The following PDE11A variants were observed in gnomAD, a reference collection of about 807,000 sequenced individuals.
The protein encoded by PDE11A is dual 3',5'-cyclic-AMP and -GMP phosphodiesterase 11A.
PDE11A carries 100 observed loss-of-function variants against 100.5 expected under a neutral mutation model. That is an observed-to-expected ratio of 1.00 (90% CI 0.85 to 1.18). The LOEUF is 1.18. Ranked by LOEUF, PDE11A falls within the 50% of genes most tolerant of loss-of-function variation. PDE11A has a pLI of 0.00. For synonymous variants in PDE11A, 381 were observed against 420.8 expected, an observed-to-expected ratio of 0.91 and a Z score of 1.16; for missense variants, 1,141 against 1,152.6, an observed-to-expected ratio of 0.99 and a Z score of 0.15.
chr2:177,901,867 G>T (rs2084702843), intron 3 of PDE11A, among the ~76,000 whole-genome samples: 1 of 152,180 alleles, frequency 6.6e-6, no homozygotes, highest in Non-Finnish European at 1.5e-5. Context: ...GAGCCTCTGG[G>T]ATCCATATAC....
intron 13 of PDE11A, among the ~76,000 whole-genome samples, chr2:177,701,428 G>T (rs1312360082): frequency 6.6e-6 from 1 of 152,050 alleles, no homozygotes; most frequent in African/African-American, 2.4e-5. Context: ...TATGTATTAG[G>T]CTAGATGCTG....
chr2:177,877,341 T>A, intron 4 of PDE11A, among the ~76,000 whole-genome samples: 1 of 123,288 alleles, frequency 8.1e-6, no homozygotes, highest in South Asian at 2.5e-4. Context: ...ATTTTTGCAT[T>A]TTTAGTAGAG....
At chr2:177,659,750 T>C (rs1193590111) in intron 19 of PDE11A, among the ~76,000 whole-genome samples, 5 of 152,114 alleles carry the variant, frequency 3.3e-5, no homozygotes, top group African/African-American at 1.2e-4. Context: ...TTTCAAAGTT[T>C]GATTGTGTCT....
intron 10 of PDE11A, among the ~76,000 whole-genome samples, chr2:177,738,448 A>G (rs1559167495): frequency 6.6e-6 from 1 of 152,214 alleles, no homozygotes; most frequent in Non-Finnish European, 1.5e-5. Flanking sequence ...TGTTGACTAC[A>G]TTACACATTA....
chr2:177,647,751 T>TA (rs1446564114), intron 19 of PDE11A, among the ~76,000 whole-genome samples: 1 of 152,146 alleles, frequency 6.6e-6, no homozygotes, highest in Non-Finnish European at 1.5e-5. Flanking sequence ...CCTTGGGGGA[T>TA]AAAAATCCTT....
intron 9 of PDE11A, among the ~76,000 whole-genome samples, chr2:177,809,112 G>C (rs893422740): frequency 2.0e-5 from 3 of 152,116 alleles, no homozygotes; most frequent in Admixed American, 6.6e-5. Flanking sequence ...TGAAGAGAGG[G>C]GAGTGGGGAG....
chr2:178,071,100 C>T (rs1030658389), intron 1 of PDE11A, among the ~76,000 whole-genome samples: 5 of 152,094 alleles, frequency 3.3e-5, no homozygotes, highest in African/African-American at 1.2e-4. Context: ...ATTATGGTCC[C>T]CAAAAGACAC....
chr2:177,707,392 CT>C (rs2081295780), intron 13 of PDE11A, among the ~76,000 whole-genome samples: 1 of 152,186 alleles, frequency 6.6e-6, no homozygotes, highest in Non-Finnish European at 1.5e-5. Context: ...ATACCAGGAA[CT>C]CTGAAGTAGC....
intron 19 of PDE11A, among the ~76,000 whole-genome samples, chr2:177,659,437 T>G (rs1438587323): frequency 1.3e-5 from 2 of 152,194 alleles, no homozygotes; most frequent in Non-Finnish European, 2.9e-5. Flanking sequence ...TTATTCTGGC[T>G]AGATGCTGGC....
chr2:177,988,873 C>G (rs145832564), intron 2 of PDE11A, among the ~76,000 whole-genome samples: 3 of 152,182 alleles, frequency 2.0e-5, no homozygotes, highest in African/African-American at 7.2e-5. Flanking sequence ...CCTCTGAAAC[C>G]TTTGTGAGGT....
intron 2 of PDE11A, among the ~76,000 whole-genome samples, chr2:177,934,496 C>T (rs1373614990): frequency 2.0e-5 from 3 of 152,106 alleles, no homozygotes; most frequent in Non-Finnish European, 2.9e-5. Flanking sequence ...CAGATATTGG[C>T]CAGGCTGTGG....
rs888122978 is a variant in PDE11A, at chr2:177,709,450, G to T, written c.2153+2319C>A. 3.3e-5 allele frequency among the ~76,000 whole-genome samples: 5 copies of T among 152,298 alleles called. 1 individual carries two copies. The Middle Eastern group carries it at 0.01, about 311-fold the overall frequency. ...ATTTTTGGTGGGGCCATTCCTTGGG[G>T]TAGAGAATACAAGAAAGAGGCATGG... On this transcript the variant is annotated intron_variant, in intron 13 of 19. Coordinates refer to ENST00000286063, the MANE Select transcript of PDE11A (RefSeq NM_016953.4).
At chr2:177,839,583 A>G (rs989247466) in intron 6 of PDE11A, among the ~76,000 whole-genome samples, 7 of 151,468 alleles carry the variant, frequency 4.6e-5, no homozygotes, top group Non-Finnish European at 8.8e-5. Flanking sequence ...CACTTCCCCA[A>G]CTCCCCATGC....
chr2:177,713,618 G>T (rs545655180), intron 12 of PDE11A, among the ~76,000 whole-genome samples: 1 of 151,994 alleles, frequency 6.6e-6, no homozygotes, highest in African/African-American at 2.4e-5. Context: ...CCAGCTATTC[G>T]TGAGGCTGAG....
chr2:177,961,139 C>T (rs780564509), intron 2 of PDE11A, among the ~76,000 whole-genome samples: 1 of 152,184 alleles, frequency 6.6e-6, no homozygotes, highest in South Asian at 2.1e-4. Context: ...ATTCAATGTC[C>T]TGTGTAATTT....
chr2:178,013,361 G>A (rs1472598441), intron 2 of PDE11A, among the ~76,000 whole-genome samples: 3 of 152,106 alleles, frequency 2.0e-5, no homozygotes, highest in African/African-American at 7.2e-5. Flanking sequence ...AACCTTTAAG[G>A]AGAGTTGGGC....
intron 10 of PDE11A, among the ~76,000 whole-genome samples, chr2:177,765,328 T>C (rs890411049): frequency 2.0e-5 from 3 of 152,248 alleles, no homozygotes; most frequent in African/African-American, 7.2e-5. Flanking sequence ...GTTTATCTTA[T>C]GTGAAATCAA....
intron 15 of PDE11A, among the ~76,000 whole-genome samples, chr2:177,686,127 C>T (rs1437143788): frequency 6.6e-6 from 1 of 152,156 alleles, no homozygotes; most frequent in African/African-American, 2.4e-5. Context: ...TTGATTCTTC[C>T]TTCACAGACA....
At chr2:177,679,825 T>C (rs1479176626) in intron 16 of PDE11A, among the ~76,000 whole-genome samples, 2 of 151,640 alleles carry the variant, frequency 1.3e-5, no homozygotes, top group Non-Finnish European at 2.9e-5. Context: ...TAGAGCCAGG[T>C]TGGGGTAAGG....
Sources: gnomAD v4.1 joint callset for allele counts (sites outside exome capture counted in the v4.1 genomes callset) on GRCh38, gnomAD v4.1.1 for gene constraint, MANE v1.5 for transcripts, NCBI Gene and HGNC (gene_info 2026-07-23, HGNC 2026-07-21) for gene names.